Variants in HSPG2 observed in about 807,000 individuals in gnomAD.
HSPG2 encodes basement membrane-specific heparan sulfate proteoglycan core protein.
Under a neutral mutation model 526.6 loss-of-function variants are expected in HSPG2, and 278 were observed. The observed-to-expected ratio is 0.53, with a 90% CI of 0.48 to 0.58. The LOEUF is 0.58. HSPG2 is among the 20% of genes least tolerant of loss of function. HSPG2 has a pLI of 0.00. For synonymous variants in HSPG2, 2,465 were observed against 2,555.4 expected, an observed-to-expected ratio of 0.96 and a Z score of 1.07; for missense variants, 5,354 against 6,099.5, an observed-to-expected ratio of 0.88 and a Z score of 4.07.
At chr1:21,913,911 G>C (rs1012813156) in intron 1 of HSPG2, among the ~76,000 whole-genome samples, 4 of 152,162 alleles carry the variant, frequency 2.6e-5, no homozygotes, top group Admixed American at 6.5e-5. Flanking sequence ...GGTGGCTCTG[G>C]GTAAGGCACT....
At position 21,904,339 on chromosome 1, in the gene HSPG2, CGCTGAGGCCAGGGCTGGA is replaced by C. The variant is rs1643257201; in HGVS notation, c.64-8047_64-8030del. 6.6e-6 allele frequency among the ~76,000 whole-genome samples: 1 copy of C among 152,098 alleles called. No homozygotes were observed. Among genetic ancestry groups the C allele is most frequent in the African/African-American group, 2.4e-5 (1 of 41,394 alleles). On this transcript the variant is annotated intron_variant, in intron 1 of 96. Coordinates refer to ENST00000374695, the MANE Select transcript of HSPG2 (RefSeq NM_005529.7). This position sits in a 1 kb window ranked among gnomAD's most constrained non-coding sequence, Gnocchi z 4.4. Reference sequence around the variant, plus strand: ...CGGACCAGGTGGAGGGAAGGGCACACGCTGAGGCCAGGGCTGGAGAGGGCACGGCACGTTCGCGGGGTG... The same window carrying C: ...CGGACCAGGTGGAGGGAAGGGCACACGAGGGCACGGCACGTTCGCGGGGTG...
chr1:21,862,344 G>C (rs1211713875), intron 37 of HSPG2, among the ~76,000 whole-genome samples: 4 of 152,180 alleles, frequency 2.6e-5, no homozygotes, highest in Non-Finnish European at 5.9e-5. Context: ...AGCACTCTGG[G>C]AGGCCGAGGC....
At chr1:21,932,654 T>C (rs577960521) in intron 1 of HSPG2, among the ~76,000 whole-genome samples, 5 of 151,526 alleles carry the variant, frequency 3.3e-5, no homozygotes, top group African/African-American at 1.2e-4. Context: ...ATGGGAAGAG[T>C]GGTAAGGACC....
chr1:21,835,561 T>C lies in HSPG2; in HGVS notation c.10432A>G (p.Ser3478Gly). ...CTACCTTGGATAACCAGCTGGGCACTGGCCTGGGCCTTCCCCCAAGGTCCA... is the reference window on the plus strand; with the variant it reads ...CTACCTTGGATAACCAGCTGGGCACCGGCCTGGGCCTTCCCCCAAGGTCCA... Reference protein sequence around the residue: ...AHGPWGKAQASAQLVIQALPS... With the variant: ...AHGPWGKAQAGAQLVIQALPS... The change falls in exon 76 of 97, where the codon AGT becomes GGT. Residue 3478 changes from serine to glycine, a missense_variant. Physicochemically the swap from Ser to Gly is moderately conservative, Grantham distance 56. Coordinates refer to ENST00000374695, the MANE Select transcript of HSPG2 (RefSeq NM_005529.7). 1 of 1,613,896 alleles carries C rather than the reference T, an allele frequency of 6.2e-7. No individual in the cohort carries two copies. The highest frequency in any genetic ancestry group is 2.2e-5 in the East Asian group (1 of 44,892).
rs761589446 is a variant in HSPG2, at chr1:21,827,852, C to T, written c.12589+11G>A. 29 of 1,575,686 alleles carry T rather than the reference C, an allele frequency of 1.8e-5. No homozygotes were observed. Among genetic ancestry groups the T allele is most frequent in the South Asian group, 1.6e-4 (14 of 86,016 alleles). On this transcript the variant is annotated intron_variant, in intron 91 of 96. Coordinates refer to ENST00000374695, the MANE Select transcript of HSPG2 (RefSeq NM_005529.7). ...GCTGAAGCTGGGGAGGAGGCCATGG[C>T]AAGTACTCACCATTGCCCCCGCTGC...
intron 1 of HSPG2, among the ~76,000 whole-genome samples, chr1:21,919,088 G>A (rs962968817): frequency 6.6e-6 from 1 of 152,242 alleles, no homozygotes; most frequent in African/African-American, 2.4e-5. Flanking sequence ...CCTTTGTCCA[G>A]CTGTGCCGAG....
Position 21,862,133 on chromosome 1 carries a change from G to C in HSPG2, c.4741-18C>G. The C allele has an allele frequency of 6.2e-7, 1 of 1,610,456 alleles. No homozygotes were observed. Among genetic ancestry groups the C allele is most frequent in the Non-Finnish European group, 8.5e-7 (1 of 1,179,948 alleles). ...TGGCATTGCTGCAGGGCACAAGGAGGGCAGGCACCAGCCATTAGGCCAAAT... is the reference window on the plus strand; with the variant it reads ...TGGCATTGCTGCAGGGCACAAGGAGCGCAGGCACCAGCCATTAGGCCAAAT... On this transcript the variant is annotated intron_variant, in intron 37 of 96. Transcript: ENST00000374695.
chr1:21,865,087 G>A lies in HSPG2; in HGVS notation c.4396-14C>T. ...GCGCCAGAATTCCTGGGTTGGGGGTGGCAACGTGGGCGGGGGCAGTGGGCT... is the reference window on the plus strand; with the variant it reads ...GCGCCAGAATTCCTGGGTTGGGGGTAGCAACGTGGGCGGGGGCAGTGGGCT... On this transcript the variant is annotated splice_polypyrimidine_tract_variant and intron_variant, in intron 35 of 96. Coordinates refer to ENST00000374695, the MANE Select transcript of HSPG2 (RefSeq NM_005529.7). This position sits in a 1 kb window ranked among gnomAD's most constrained non-coding sequence, Gnocchi z 5.4. 2 of 1,557,108 alleles carry A rather than the reference G, an allele frequency of 1.3e-6. No homozygotes were observed. The highest frequency in any genetic ancestry group is 1.7e-6 in the Non-Finnish European group (2 of 1,153,234).
chr1:21,924,766 G>A (rs957282158), intron 1 of HSPG2, among the ~76,000 whole-genome samples: 1 of 152,076 alleles, frequency 6.6e-6, no homozygotes, highest in Non-Finnish European at 1.5e-5. Flanking sequence ...GTGTCTTCCT[G>A]CTCTTGCACA....
At chr1:21,885,506 C>A (rs565138574) in intron 9 of HSPG2, 55 bp from the exon 10 acceptor site, 1 of 1,598,966 alleles carries the variant, frequency 6.3e-7, no homozygotes, top group East Asian at 2.2e-5. Context: ...CCTCCCTGGG[C>A]ATCCCCAGGG....
At chr1:21,882,400 T>TACACAC (rs56357321) in intron 13 of HSPG2, among the ~76,000 whole-genome samples, 2,524 of 142,748 alleles carry the variant, frequency 0.018, 50 homozygotes, top group African/African-American at 0.045. Context: ...CTCTTCTATG[T>TACACAC]ACACACACAC....
chr1:21,859,702 T>C lies in HSPG2; in HGVS notation c.5183-26A>G. On this transcript the variant is annotated intron_variant, in intron 41 of 96. Transcript: ENST00000374695. This position sits in a 1 kb window ranked among gnomAD's most constrained non-coding sequence, Gnocchi z 5.3. ...CTGGTGGGGAGGAGACAAGAGCTTGTTGGTGCAGATACACTCTTTCTCACA... is the reference window on the plus strand; with the variant it reads ...CTGGTGGGGAGGAGACAAGAGCTTGCTGGTGCAGATACACTCTTTCTCACA... 6 of 1,592,030 alleles carry C rather than the reference T, an allele frequency of 3.8e-6. No individual in the cohort carries two copies. The highest frequency in any genetic ancestry group is 5.1e-6 in the Non-Finnish European group (6 of 1,168,198).
At chr1:21,870,855 C>T (rs576087197) in intron 33 of HSPG2, 64 of 986,282 alleles carry the variant, frequency 6.5e-5, no homozygotes, top group South Asian at 5.6e-4. Flanking sequence ...GGCGCATCCG[C>T]GCAAAGTACG....
chr1:21,863,728 C>T (rs1316206201), intron 37 of HSPG2, among the ~76,000 whole-genome samples: 1 of 150,710 alleles, frequency 6.6e-6, no homozygotes, highest in Non-Finnish European at 1.5e-5. Context: ...GTAAAAAGGC[C>T]AGGTGTGGTG....
intron 18 of HSPG2, 26 bp from the exon 19 acceptor site, chr1:21,878,689 T>C: frequency 6.2e-7 from 1 of 1,600,230 alleles, no homozygotes. Flanking sequence ...GGACAGGGCA[T>C]GGGGCAGGGC....
In HSPG2 at chr1:21,884,998, G is replaced by C. The variant is rs780495498; in HGVS notation, c.1355+15C>G. On this transcript the variant is annotated intron_variant, in intron 11 of 96. Coordinates refer to ENST00000374695, the MANE Select transcript of HSPG2 (RefSeq NM_005529.7). The stretch of plus-strand genomic sequence containing the variant: ...CCCCTCATTCCCACCCCACCACCTG[G>C]GCCCAGAGCCGCACCTGGGATGAGA... The C allele has an allele frequency of 1.5e-5, 24 of 1,613,762 alleles. No individual in the cohort carries two copies. The Admixed American group carries it at 4.0e-4, about 27-fold the overall frequency.
Position 21,848,562 on chromosome 1 carries a change from G to T in HSPG2, c.7737+81C>A. On this transcript the variant is annotated intron_variant, in intron 59 of 96. Transcript: ENST00000374695. This position sits in a 1 kb window ranked among gnomAD's most constrained non-coding sequence, Gnocchi z 4.9. ...TGTTGAATGACTGAATGAGCACAGA[G>T]TGAGGTGCTGAGAGTCCCCCCTCTT... 6.8e-7 allele frequency: 1 copy of T among 1,466,696 alleles called. No homozygotes were observed. Among genetic ancestry groups the T allele is most frequent in the Non-Finnish European group, 9.5e-7 (1 of 1,049,368 alleles). The allele number at this position is 1,466,696 out of a possible 1,614,324, so 90.9% of individuals were successfully genotyped here.
At chr1:21,855,109 G>C in intron 47 of HSPG2, 126 bp from the exon 48 acceptor site, 2 of 1,388,692 alleles carry the variant, frequency 1.4e-6, no homozygotes, top group Non-Finnish European at 2.0e-6. Context: ...GGGGCATGAA[G>C]GAGGACAAAC....
chr1:21,932,175 CT>C (rs1220931241), intron 1 of HSPG2, among the ~76,000 whole-genome samples: 3 of 152,172 alleles, frequency 2.0e-5, no homozygotes, highest in Non-Finnish European at 4.4e-5. Flanking sequence ...CCTGATATTC[CT>C]TGCCTGAGGT....
Sources: gnomAD v4.1 joint callset for allele counts (sites outside exome capture counted in the v4.1 genomes callset) on GRCh38, gnomAD v4.1.1 for gene constraint, Gnocchi (gnomAD v3.1) non-coding constraint, MANE v1.5 for transcripts, NCBI Gene and HGNC (gene_info 2026-07-23, HGNC 2026-07-21) for gene names.